Variants in MGAT5 observed in about 807,000 individuals in gnomAD.
MGAT5 encodes the protein alpha-1,6-mannosylglycoprotein 6-beta-N-acetylglucosaminyltransferase.
A neutral mutation model predicts 94.3 loss-of-function variants in MGAT5; 30 were observed. That is an observed-to-expected ratio of 0.32 (90% confidence interval 0.24 to 0.43). The LOEUF (loss-of-function observed/expected upper bound fraction) is 0.43. MGAT5 is among the 20% of genes least tolerant of loss of function. The pLI, the probability that MGAT5 is intolerant of heterozygous loss-of-function variation, is 1.00. For missense variants in MGAT5, 691 were observed against 905.5 expected, an observed-to-expected ratio of 0.76 and a Z score of 3.04; for synonymous variants, 310 against 322.9, an observed-to-expected ratio of 0.96 and a Z score of 0.43.
At chr2:134,437,561 C>A (rs1474953203) in intron 14 of MGAT5, among the ~76,000 whole-genome samples, 2 of 152,212 alleles carry the variant, frequency 1.3e-5, no homozygotes, top group East Asian at 3.8e-4. Context: ...GAGAAACATT[C>A]CCACTTGGCT....
intron 9 of MGAT5, among the ~76,000 whole-genome samples, chr2:134,354,260 T>A (rs1290030969): frequency 1.3e-5 from 2 of 152,226 alleles, no homozygotes; most frequent in Non-Finnish European, 2.9e-5. Flanking sequence ...GATTGTGTTC[T>A]ACTGATGGAA....
chr2:134,330,299 A>G (rs986629954), intron 4 of MGAT5, among the ~76,000 whole-genome samples: 1 of 152,188 alleles, frequency 6.6e-6, no homozygotes, highest in Non-Finnish European at 1.5e-5. Flanking sequence ...AGAGTTGGGC[A>G]TAGAGTCCAT....
intron 10 of MGAT5, among the ~76,000 whole-genome samples, chr2:134,402,198 A>G (rs1219891805): frequency 6.6e-6 from 1 of 152,236 alleles, no homozygotes. Context: ...AGGGAAACAC[A>G]GAGGTAAAAA....
rs537639891 is a variant in MGAT5 at position 134,368,197 on chromosome 2, A to G, written c.1380+5789A>G. Among the ~76,000 whole-genome samples, 8 of 152,336 alleles carry G rather than the reference A, an allele frequency of 5.3e-5. No individual in the cohort carries two copies. In the East Asian group the frequency reaches 1.5e-3, roughly 29 times the overall value. ...AGCAGGATTCTAAAGCTAGGAAGGA[A>G]GGTCTCTCTGGGTGAGCTAAGTGTA... is the stretch of plus-strand genomic sequence containing the variant. On this transcript the variant is annotated intron_variant, in intron 10 of 15. Coordinates refer to ENST00000281923, the MANE Select transcript of MGAT5 (RefSeq NM_002410.5).
At chr2:134,349,574 A>G (rs979702809) in intron 8 of MGAT5, among the ~76,000 whole-genome samples, 4 of 152,136 alleles carry the variant, frequency 2.6e-5, no homozygotes, top group African/African-American at 7.2e-5. Context: ...GTAATTAGTT[A>G]CCCGATCTGA....
At chr2:134,300,058 C>T (rs1443106082) in intron 2 of MGAT5, among the ~76,000 whole-genome samples, 1 of 152,126 alleles carries the variant, frequency 6.6e-6, no homozygotes, top group Non-Finnish European at 1.5e-5. Context: ...TTCTAGTGAG[C>T]AGAACAGAAG....
intron 1 of MGAT5, among the ~76,000 whole-genome samples, chr2:134,180,673 C>T (rs766278897): frequency 2.0e-5 from 3 of 152,154 alleles, no homozygotes; most frequent in Non-Finnish European, 4.4e-5. Context: ...GCCCTCACCA[C>T]GGTTCTCATC....
At chr2:134,288,232 G>T (rs1685131662) in intron 2 of MGAT5, among the ~76,000 whole-genome samples, 1 of 152,146 alleles carries the variant, frequency 6.6e-6, no homozygotes, top group African/African-American at 2.4e-5. Context: ...CTATCAAATG[G>T]CTCAACATCA....
intron 1 of MGAT5, among the ~76,000 whole-genome samples, chr2:134,157,652 T>C (rs1350071721): frequency 6.6e-6 from 1 of 152,060 alleles, no homozygotes; most frequent in African/African-American, 2.4e-5. Context: ...ATTTCTATTA[T>C]TACATTGTAA....
At chr2:134,349,696 T>G in intron 8 of MGAT5, 109 bp from the exon 9 acceptor site, 1 of 1,234,744 alleles carries the variant, frequency 8.1e-7, no homozygotes, top group Non-Finnish European at 1.1e-6. Flanking sequence ...TGCTTCTATT[T>G]AAAAGGATTT....
intron 1 of MGAT5, among the ~76,000 whole-genome samples, chr2:134,162,030 T>A (rs1687760413): frequency 6.7e-6 from 1 of 148,710 alleles, no homozygotes; most frequent in Non-Finnish European, 1.5e-5. Context: ...GGCTGTCCTT[T>A]AAAAAAAAAA....
At chr2:134,130,160 C>T (rs1010766265) in intron 1 of MGAT5, among the ~76,000 whole-genome samples, 40 of 151,196 alleles carry the variant, frequency 2.6e-4, no homozygotes, top group Admixed American at 1.8e-3. Flanking sequence ...CATCTTCCCG[C>T]GGGGCAGGGC....
At chr2:134,164,568 C>G (rs978822546) in intron 1 of MGAT5, among the ~76,000 whole-genome samples, 4 of 152,064 alleles carry the variant, frequency 2.6e-5, no homozygotes, top group African/African-American at 7.2e-5. Flanking sequence ...GTGGTTATTC[C>G]TGAATGCAAG....
At chr2:134,261,506 A>T (rs868510673) in intron 1 of MGAT5, among the ~76,000 whole-genome samples, 54 of 151,234 alleles carry the variant, frequency 3.6e-4, no homozygotes, top group African/African-American at 1.3e-3. Flanking sequence ...GCTCTCCCCC[A>T]CCCCTTCCTC....
chr2:134,371,578 C>T (rs1292651302), intron 10 of MGAT5, among the ~76,000 whole-genome samples: 1 of 152,168 alleles, frequency 6.6e-6, no homozygotes, highest in Non-Finnish European at 1.5e-5. Flanking sequence ...CTTGGGATTG[C>T]CACAGTTTTC....
intron 2 of MGAT5, among the ~76,000 whole-genome samples, chr2:134,314,706 G>T (rs111639113): frequency 6.6e-6 from 1 of 152,140 alleles, no homozygotes; most frequent in Admixed American, 6.5e-5. Context: ...AGAGGAAGGG[G>T]CTTTAACTGG....
intron 2 of MGAT5, among the ~76,000 whole-genome samples, chr2:134,278,087 C>G (rs1329069347): frequency 6.6e-6 from 1 of 152,162 alleles, no homozygotes; most frequent in Admixed American, 6.5e-5. Flanking sequence ...CAGCTGTGTC[C>G]TCTCAGGTAT....
intron 1 of MGAT5, among the ~76,000 whole-genome samples, chr2:134,165,572 G>A (rs953846682): frequency 2.0e-5 from 3 of 151,636 alleles, no homozygotes; most frequent in Non-Finnish European, 2.9e-5. Flanking sequence ...TCAGGAGATC[G>A]ACACCATCCT....
At chr2:134,157,829 G>A (rs1463253979) in intron 1 of MGAT5, among the ~76,000 whole-genome samples, 1 of 152,058 alleles carries the variant, frequency 6.6e-6, no homozygotes, top group African/African-American at 2.4e-5. Flanking sequence ...TGCCAGGTAC[G>A]TGGACAACCA....
Sources: gnomAD v4.1 joint callset for allele counts (sites outside exome capture counted in the v4.1 genomes callset) on GRCh38, gnomAD v4.1.1 for gene constraint, MANE v1.5 for transcripts, NCBI Gene and HGNC (gene_info 2026-07-23, HGNC 2026-07-21) for gene names.